The following SPRR2B variants were observed in gnomAD, a reference collection of about 807,000 sequenced individuals.
SPRR2B encodes the protein small proline-rich protein 2B.
A neutral mutation model predicts 1.0 loss-of-function variants in SPRR2B; 1 was observed. The ratio of observed to expected loss-of-function variants is 1.01; its 90% CI spans 0.36 to 4.77. The LOEUF (loss-of-function observed/expected upper bound fraction) is 4.77, where lower values mean the gene tolerates loss of function less well. SPRR2B is among the 30% of genes most tolerant of loss of function. SPRR2B has a pLI of 0.16. For missense variants in SPRR2B, 53 were observed against 88.7 expected (o/e 0.60, Z 1.62); for synonymous variants, 27 against 33.4 (o/e 0.81, Z 0.66).
rs746623510 is a variant in SPRR2B, at chr1:153,070,634, G to T, written c.206C>A (p.Pro69Gln). 12 of 1,612,052 alleles carry T rather than the reference G, an allele frequency of 7.4e-6. No individual in the cohort carries two copies. The South Asian group carries it at 1.3e-4, about 18-fold the overall frequency. ...ATCCTGAAGCTGTTACTTGCTCTTC[G>T]GTGGATACTTTGGCTGGCAGGGTGG... ...PSPPCQPKYP[P>Q]KSK The change falls in exon 2 of 2, where the codon CCG becomes CAG. Residue 69 changes from proline (P) to glutamine (Q), a missense_variant. Pro to Gln is a moderately conservative substitution (Grantham distance 76, BLOSUM62 -1). Transcript: ENST00000368755.
At chr1:153,085,930 C>G in the SPRR2B span, among the ~76,000 whole-genome samples, 3 of 152,138 alleles carry the variant, frequency 2.0e-5, no homozygotes, top group Admixed American at 1.3e-4. Flanking sequence ...TCTAGTCAAA[C>G]TCAGCTTCAT....
the SPRR2B span, among the ~76,000 whole-genome samples, chr1:153,084,972 C>A: frequency 6.6e-6 from 1 of 152,130 alleles, no homozygotes. Flanking sequence ...GATGTTATAC[C>A]ACAATCAAAA....
upstream of SPRR2B, among the ~76,000 whole-genome samples, chr1:153,076,061 T>G (rs1315999113): frequency 6.6e-6 from 1 of 152,144 alleles, no homozygotes; most frequent in Admixed American, 6.5e-5. Flanking sequence ...ATGTGAAAAA[T>G]ATATGTTTTA....
At chr1:153,074,878 G>A (rs541047855), upstream of SPRR2B, among the ~76,000 whole-genome samples, 16 of 152,232 alleles carry the variant, frequency 1.1e-4, no homozygotes, top group East Asian at 1.3e-3. Context: ...TTGGGCAGAC[G>A]CTAAAGGTGG....
At chr1:153,082,198 C>T in the SPRR2B span, among the ~76,000 whole-genome samples, 1 of 152,100 alleles carries the variant, frequency 6.6e-6, no homozygotes, top group Non-Finnish European at 1.5e-5. Flanking sequence ...AATAGCTTTA[C>T]TACAGAAAAT....
At chr1:153,082,045 G>A in the SPRR2B span, among the ~76,000 whole-genome samples, 5 of 152,050 alleles carry the variant, frequency 3.3e-5, no homozygotes, top group African/African-American at 1.2e-4. Context: ...GGGCAGGCTG[G>A]ATATGAGTCA....
At chr1:153,074,331 C>T (rs1654733825), upstream of SPRR2B, among the ~76,000 whole-genome samples, 1 of 151,822 alleles carries the variant, frequency 6.6e-6, no homozygotes, top group Non-Finnish European at 1.5e-5. Flanking sequence ...CAAAATAGTG[C>T]TGGCAAATAA....
chr1:153,075,209 T>C (rs1395734543), upstream of SPRR2B, among the ~76,000 whole-genome samples: 2 of 151,838 alleles, frequency 1.3e-5, no homozygotes, highest in African/African-American at 2.4e-5. Flanking sequence ...CAGGCGTGAT[T>C]GCAGGGGCCT....
chr1:153,087,234 C>T, the SPRR2B span, among the ~76,000 whole-genome samples: 1 of 151,884 alleles, frequency 6.6e-6, no homozygotes, highest in Non-Finnish European at 1.5e-5. Flanking sequence ...GAGTCGAGAT[C>T]ACGCTACTGC....
the SPRR2B span, among the ~76,000 whole-genome samples, chr1:153,083,905 C>G: frequency 6.6e-6 from 1 of 152,196 alleles, no homozygotes; most frequent in Admixed American, 6.5e-5. Context: ...GCTCAACTTG[C>G]TCGCATAGGA....
chr1:153,079,758 G>A, the SPRR2B span, among the ~76,000 whole-genome samples: 5 of 152,170 alleles, frequency 3.3e-5, 1 homozygote, highest in African/African-American at 1.2e-4. Context: ...TGCTGTTTTG[G>A]TTACTGTAGC....
chr1:153,073,626 G>C (rs1231798159), upstream of SPRR2B, among the ~76,000 whole-genome samples: 1 of 151,608 alleles, frequency 6.6e-6, no homozygotes, highest in Non-Finnish European at 1.5e-5. Context: ...ACATGAAGAG[G>C]AGCAGCTAAC....
the SPRR2B span, among the ~76,000 whole-genome samples, chr1:153,079,117 T>C: frequency 6.6e-6 from 1 of 152,270 alleles, no homozygotes; most frequent in Non-Finnish European, 1.5e-5. Flanking sequence ...TGGCCAGTGA[T>C]GGTGAGCATT....
chr1:153,073,888 G>T (rs1654722548), upstream of SPRR2B, among the ~76,000 whole-genome samples: 2 of 151,696 alleles, frequency 1.3e-5, no homozygotes, highest in South Asian at 4.3e-4. Flanking sequence ...AAAAATGACA[G>T]GAAAGAACAA....
chr1:153,087,641 A>G, the SPRR2B span, among the ~76,000 whole-genome samples: 1 of 151,222 alleles, frequency 6.6e-6, no homozygotes, highest in African/African-American at 2.4e-5. Flanking sequence ...GCTAGAAAAT[A>G]TAGAAAAAAC....
chr1:153,076,558 G>T (rs570412586), upstream of SPRR2B, among the ~76,000 whole-genome samples: 1 of 152,108 alleles, frequency 6.6e-6, no homozygotes, highest in Non-Finnish European at 1.5e-5. Context: ...CTCTTACATA[G>T]GATGAGAGTC....
chr1:153,086,795 G>A, the SPRR2B span, among the ~76,000 whole-genome samples: 965 of 152,200 alleles, frequency 6.3e-3, 13 homozygotes, highest in African/African-American at 0.022. Flanking sequence ...ATTGCCACAT[G>A]GCTCATAGTC....
chr1:153,078,404 G>T, the SPRR2B span, among the ~76,000 whole-genome samples: 1 of 152,084 alleles, frequency 6.6e-6, no homozygotes, highest in Non-Finnish European at 1.5e-5. Context: ...GGGTACATGT[G>T]CACAACGTGC....
At chr1:153,077,253 T>C in the SPRR2B span, among the ~76,000 whole-genome samples, 5 of 152,194 alleles carry the variant, frequency 3.3e-5, no homozygotes, top group African/African-American at 1.2e-4. Flanking sequence ...GCTGGCAAAA[T>C]TGTCCTTTAA....
Sources: gnomAD v4.1 joint callset for allele counts (sites outside exome capture counted in the v4.1 genomes callset) on GRCh38, gnomAD v4.1.1 for gene constraint, MANE v1.5 for transcripts, NCBI Gene and HGNC (gene_info 2026-07-23, HGNC 2026-07-21) for gene names.